Variants in PHF20 observed in about 807,000 individuals in gnomAD.
The protein encoded by PHF20 is PHD finger protein 20, also known as glioma-expressed antigen 2.
Under a neutral mutation model 113.5 loss-of-function variants are expected in PHF20, and 23 were observed. The observed-to-expected ratio is 0.20, with a 90% CI of 0.15 to 0.29. The LOEUF is 0.29. Among genes scored for constraint, PHF20 ranks in the 10% least tolerant of loss-of-function variants. The pLI is 1.00. For missense variants in PHF20, 943 were observed against 1,219.6 expected (o/e 0.77, Z 3.38); for synonymous variants, 434 against 457.3 (o/e 0.95, Z 0.65).
At chr20:35,801,265 A>C (rs1295228506) in intron 1 of PHF20, among the ~76,000 whole-genome samples, 2 of 152,112 alleles carry the variant, frequency 1.3e-5, no homozygotes, top group Non-Finnish European at 2.9e-5. Flanking sequence ...GGTGAGTGGT[A>C]AGCAGTGTTG....
At chr20:35,876,090 T>A (rs1217880494) in intron 9 of PHF20, among the ~76,000 whole-genome samples, 3 of 152,308 alleles carry the variant, frequency 2.0e-5, no homozygotes, top group Non-Finnish European at 4.4e-5. Flanking sequence ...GTAGCCTTTC[T>A]AAGGGAATAA....
chr20:35,938,170 C>A (rs2055902634), intron 15 of PHF20, among the ~76,000 whole-genome samples: 1 of 152,110 alleles, frequency 6.6e-6, no homozygotes, highest in Non-Finnish European at 1.5e-5. Context: ...CCGCCCCCGG[C>A]CCGTTTTAAT....
At chr20:35,884,987 C>G (rs749124333) in intron 9 of PHF20, among the ~76,000 whole-genome samples, 1 of 152,122 alleles carries the variant, frequency 6.6e-6, no homozygotes, top group African/African-American at 2.4e-5. Context: ...CACGCCACCA[C>G]GCCTGGCTAA....
At chr20:35,828,260 G>C (rs896368768) in intron 2 of PHF20, among the ~76,000 whole-genome samples, 1 of 152,112 alleles carries the variant, frequency 6.6e-6, no homozygotes, top group Non-Finnish European at 1.5e-5. Context: ...CAGGCTTCAG[G>C]TGATCCGCCC....
chr20:35,818,979 G>A (rs1227007759), intron 2 of PHF20, among the ~76,000 whole-genome samples: 2 of 151,566 alleles, frequency 1.3e-5, no homozygotes, highest in Non-Finnish European at 2.9e-5. Flanking sequence ...TGCCCAGGCT[G>A]GAGAGCAGTG....
chr20:35,850,147 G>A (rs1039744726), intron 4 of PHF20, among the ~76,000 whole-genome samples: 2 of 151,988 alleles, frequency 1.3e-5, no homozygotes, highest in African/African-American at 2.4e-5. Flanking sequence ...CGAAGGCAGC[G>A]GCAGTTGGTA....
rs557882154 is a variant in PHF20, at chr20:35,944,611, G to A, written c.2897-2874G>A. Among the ~76,000 whole-genome samples the A allele has an allele frequency of 8.6e-5, 13 of 151,814 alleles. No homozygotes were observed. In the East Asian group the frequency reaches 1.7e-3, roughly 20 times the overall value. Reference sequence around the variant, plus strand: ...TTAAGACGGAGTCTTGCTCTTTCTCGCCCAGGCTGGAGTACAGTGGCATGA... The same window carrying A: ...TTAAGACGGAGTCTTGCTCTTTCTCACCCAGGCTGGAGTACAGTGGCATGA... On this transcript the variant is annotated intron_variant, in intron 17 of 17. Transcript: ENST00000374012.
At chr20:35,797,998 C>T (rs572244937) in intron 1 of PHF20, among the ~76,000 whole-genome samples, 1 of 152,088 alleles carries the variant, frequency 6.6e-6, no homozygotes, top group East Asian at 1.9e-4. Context: ...CATGTATAAT[C>T]CTTTACATTA....
In PHF20 at chr20:35,948,929, T is replaced by C. The variant is rs945180774; in HGVS notation, c.*1302T>C. ...TCTGTAATGTTATATGCTGCAAACA[T>C]TTACTATGTAAACGTGAAGTAGCCA... On this transcript the variant is annotated 3_prime_UTR_variant, in exon 18 of 18. Transcript: ENST00000374012. The C allele has an allele frequency of 6.6e-6, 1 of 152,636 alleles. No individual in the cohort carries two copies. The highest frequency in any genetic ancestry group is 1.5e-5 in the Non-Finnish European group (1 of 68,044). 9.5% of individuals were successfully genotyped at this position (152,636 alleles called of 1,614,324 possible). A position where few individuals can be genotyped will look rare whatever the true frequency, so the allele number is the denominator to read the frequency against.
At position 35,899,534 on chromosome 20, in the gene PHF20, C is replaced by G. The variant is rs766074119; in HGVS notation, c.1447C>G (p.Leu483Val). The change falls in exon 10 of 18, where the codon CTG becomes GTG. Residue 483 changes from leucine (L) to valine (V), a missense_variant. Physicochemically the swap from Leu to Val is conservative, Grantham distance 32 (BLOSUM62 1). Around this residue, in one of 3 missense-constraint regions of PHF20, gnomAD observed 592 missense variants for 787.2 expected, o/e 0.75. Transcript: ENST00000374012. ...MKYFHGMEKS[L>V]EPEESPGKRH... ...GTATTTCCATGGAATGGAGAAGTCA[C>G]TGGAGCCAGAAGAGAGCCCGGGAAA... is the stretch of plus-strand genomic sequence containing the variant. 6.2e-7 allele frequency: 1 copy of G among 1,614,196 alleles called. No individual in the cohort carries two copies. Among genetic ancestry groups the G allele is most frequent in the South Asian group, 1.1e-5 (1 of 91,088 alleles).
chr20:35,932,935 A>G (rs999179203), intron 15 of PHF20, among the ~76,000 whole-genome samples: 1 of 152,010 alleles, frequency 6.6e-6, no homozygotes, highest in Non-Finnish European at 1.5e-5. Context: ...ATGTAAGTGG[A>G]GTCATATAGT....
At position 35,863,093 on chromosome 20, in the gene PHF20, A is replaced by G; in HGVS notation, c.501A>G (p.Lys167=). The change falls in exon 6 of 18, where the codon AAA becomes AAG. Residue 167 remains lysine (K), a synonymous_variant. Transcript: ENST00000374012. The stretch of plus-strand genomic sequence containing the variant: ...CTCCTGATAAACGAGAGAAGTTTAA[A>G]GAACAGAGAAAAGCAACAGTGAATG... ...SSSPDKREKF[K]EQRKATVNVK... is the part of the protein sequence containing the mutation. The G allele has an allele frequency of 6.2e-7, 1 of 1,611,936 alleles. No individual in the cohort carries two copies. The highest frequency in any genetic ancestry group is 1.1e-5 in the South Asian group (1 of 90,736).
intron 9 of PHF20, among the ~76,000 whole-genome samples, chr20:35,884,574 C>G (rs989147274): frequency 6.6e-6 from 1 of 152,084 alleles, no homozygotes; most frequent in East Asian, 1.9e-4. Flanking sequence ...TTTGTGGCTT[C>G]AAAGTATTTT....
At chr20:35,825,572 A>G (rs1425148909) in intron 2 of PHF20, among the ~76,000 whole-genome samples, 1 of 152,112 alleles carries the variant, frequency 6.6e-6, no homozygotes, top group Non-Finnish European at 1.5e-5. Flanking sequence ...AACTTTTTTG[A>G]TATTAATTTT....
At chr20:35,927,719 T>C in intron 13 of PHF20, 61 bp from the exon 14 acceptor site, 1 of 1,327,734 alleles carries the variant, frequency 7.5e-7, no homozygotes, top group Middle Eastern at 1.8e-4. Context: ...CAGGTGGGTC[T>C]TACTTTTGGA....
chr20:35,828,811 C>T (rs1171444606), intron 2 of PHF20, among the ~76,000 whole-genome samples: 1 of 152,172 alleles, frequency 6.6e-6, no homozygotes, highest in Non-Finnish European at 1.5e-5. Flanking sequence ...GCACCTCTAA[C>T]CTATAAACTA....
intron 1 of PHF20, among the ~76,000 whole-genome samples, chr20:35,780,849 C>CTTTTTTTTTTT (rs61173937): frequency 1.0e-5 from 1 of 98,242 alleles, no homozygotes; most frequent in African/African-American, 4.8e-5. Flanking sequence ...GTGCCTGGCC[C>CTTTTTTTTTTT]TTTTTTTTTT....
Position 35,850,873 on chromosome 20 carries a change from G to C in PHF20, c.340+3439G>C. 2.8e-6 allele frequency: 3 copies of C among 1,069,728 alleles called. No homozygotes were observed. In the East Asian group the frequency reaches 8.4e-5, roughly 30 times the overall value. The allele number at this position is 1,069,728 out of a possible 1,614,324, so 66.3% of individuals were successfully genotyped here. ...CTTGCCATTGTTTGCTGAATGCTTCGAACTTGGAGATGACTGAGTTTGTTT... is the reference window on the plus strand; with the variant it reads ...CTTGCCATTGTTTGCTGAATGCTTCCAACTTGGAGATGACTGAGTTTGTTT... On this transcript the variant is annotated intron_variant, in intron 4 of 17. Coordinates refer to ENST00000374012, the MANE Select transcript of PHF20 (RefSeq NM_016436.5).
chr20:35,934,256 C>T (rs971796781), intron 15 of PHF20, among the ~76,000 whole-genome samples: 4 of 152,134 alleles, frequency 2.6e-5, no homozygotes, highest in East Asian at 3.9e-4. Context: ...TCAAGATCTG[C>T]GTGACAAAGG....
Sources: allele counts gnomAD v4.1 joint callset (sites outside exome capture counted in the v4.1 genomes callset), GRCh38; gene constraint gnomAD v4.1.1; regional missense constraint gnomAD v4.1.1; transcripts MANE v1.5; gene names NCBI Gene and HGNC (gene_info 2026-07-23, HGNC 2026-07-21).